The following OPCML variants were observed in gnomAD, a reference collection of about 807,000 sequenced individuals.
OPCML encodes opioid binding protein/cell adhesion molecule like, also known as opioid-binding protein/cell adhesion molecule.
OPCML carries 13 observed loss-of-function variants against 37.8 expected under a neutral mutation model. That is an observed-to-expected ratio of 0.34 (90% CI 0.22 to 0.55). The LOEUF (loss-of-function observed/expected upper bound fraction) is 0.55. OPCML is among the 20% of genes least tolerant of loss of function. OPCML has a pLI of 0.91. For missense variants in OPCML, 341 were observed against 435.6 expected, an observed-to-expected ratio of 0.78 and a Z score of 1.93; for synonymous variants, 176 against 168.8, an observed-to-expected ratio of 1.04 and a Z score of -0.33.
chr11:132,858,154 C>T (rs1942137326), intron 2 of OPCML, among the ~76,000 whole-genome samples: 1 of 152,202 alleles, frequency 6.6e-6, no homozygotes, highest in Non-Finnish European at 1.5e-5. Flanking sequence ...AATTTTCTAA[C>T]TGTATAAATG....
intron 1 of OPCML, among the ~76,000 whole-genome samples, chr11:133,076,358 A>G (rs1948620812): frequency 6.6e-6 from 1 of 152,152 alleles, no homozygotes; most frequent in Non-Finnish European, 1.5e-5. Flanking sequence ...GTCTGGGATG[A>G]ATTGTTGGCA....
chr11:133,095,745 G>A (rs910960306), intron 1 of OPCML, among the ~76,000 whole-genome samples: 4 of 150,760 alleles, frequency 2.7e-5, no homozygotes, highest in Non-Finnish European at 4.4e-5. Context: ...ATCTACAGAG[G>A]AGAAAAGATA....
At chr11:133,270,756 T>C (rs937731355) in intron 1 of OPCML, among the ~76,000 whole-genome samples, 10 of 152,128 alleles carry the variant, frequency 6.6e-5, no homozygotes, top group African/African-American at 2.4e-4. Context: ...TTCCTATATA[T>C]CCTAACATGC....
chr11:132,665,786 T>G (rs1027645888), intron 2 of OPCML, among the ~76,000 whole-genome samples: 5 of 151,956 alleles, frequency 3.3e-5, no homozygotes, highest in African/African-American at 1.2e-4. Context: ...CAAGAAGAGG[T>G]AGGCAAGGTT....
intron 1 of OPCML, among the ~76,000 whole-genome samples, chr11:133,442,726 CGTGTGTGT>C (rs371441649): frequency 1.4e-4 from 20 of 141,448 alleles, no homozygotes; most frequent in East Asian, 1.3e-3. Context: ...CATATTTAAA[CGTGTGTGT>C]GTGTGTGTGT....
chr11:133,044,498 A>G (rs1947969685), intron 1 of OPCML, among the ~76,000 whole-genome samples: 1 of 152,180 alleles, frequency 6.6e-6, no homozygotes. Flanking sequence ...AGTCTTTAAA[A>G]GCTCATCAAG....
intron 3 of OPCML, among the ~76,000 whole-genome samples, chr11:132,650,250 G>C (rs1207996207): frequency 1.3e-5 from 2 of 152,140 alleles, no homozygotes; most frequent in African/African-American, 4.8e-5. Flanking sequence ...ATACAAATAA[G>C]AAATAGTAGG....
intron 3 of OPCML, among the ~76,000 whole-genome samples, chr11:132,587,034 G>T (rs373546708): frequency 6.6e-6 from 1 of 152,192 alleles, no homozygotes; most frequent in Non-Finnish European, 1.5e-5. Flanking sequence ...GGCAGCCTTT[G>T]TTGACTGAGA....
At chr11:132,514,044 AG>A in intron 4 of OPCML, among the ~76,000 whole-genome samples, 1 of 152,304 alleles carries the variant, frequency 6.6e-6, no homozygotes, top group South Asian at 2.1e-4. Flanking sequence ...ATTTAGCCAA[AG>A]TCTCCATTTC....
chr11:132,583,373 A>T (rs1177270425), intron 3 of OPCML, among the ~76,000 whole-genome samples: 4 of 152,140 alleles, frequency 2.6e-5, no homozygotes, highest in Non-Finnish European at 5.9e-5. Flanking sequence ...ATCATGGCTT[A>T]TTGTAGCCTC....
Position 133,373,567 on chromosome 11 carries a change from G to A in OPCML, c.61+158697C>T, listed in dbSNP as rs553551688. On this transcript the variant is annotated intron_variant, in intron 1 of 7. Transcript: ENST00000524381. ...CTGAGCCTGGGAGGTGGAGGTTGCAGTGAGCTGTGATCACGCCACTGTACT... is the reference window on the plus strand; with the variant it reads ...CTGAGCCTGGGAGGTGGAGGTTGCAATGAGCTGTGATCACGCCACTGTACT... 2.7e-5 allele frequency among the ~76,000 whole-genome samples: 4 copies of A among 150,832 alleles called. No individual in the cohort carries two copies. The South Asian group carries it at 8.4e-4, about 32-fold the overall frequency.
chr11:132,628,489 T>C (rs1565725172), intron 3 of OPCML, among the ~76,000 whole-genome samples: 1 of 152,092 alleles, frequency 6.6e-6, no homozygotes, highest in African/African-American at 2.4e-5. Flanking sequence ...CCAGGATTAG[T>C]CAATTTTCAG....
At chr11:133,336,580 G>A (rs531890169) in intron 1 of OPCML, among the ~76,000 whole-genome samples, 2 of 152,290 alleles carry the variant, frequency 1.3e-5, no homozygotes, top group African/African-American at 2.4e-5. Context: ...AAATAGAAAT[G>A]TCCCAGTGCC....
chr11:132,442,900 T>C (rs2136788099), intron 4 of OPCML, among the ~76,000 whole-genome samples: 1 of 152,302 alleles, frequency 6.6e-6, no homozygotes, highest in South Asian at 2.1e-4. Flanking sequence ...GGGTGTGTCT[T>C]TATTAGCAGC....
chr11:132,525,461 T>C (rs933029595), intron 4 of OPCML, among the ~76,000 whole-genome samples: 6 of 152,202 alleles, frequency 3.9e-5, no homozygotes, highest in African/African-American at 1.4e-4. Context: ...ATAATCCTAC[T>C]GGAATTTGAA....
At chr11:133,386,449 C>G (rs752304361) in intron 1 of OPCML, among the ~76,000 whole-genome samples, 1 of 152,130 alleles carries the variant, frequency 6.6e-6, no homozygotes, top group Non-Finnish European at 1.5e-5. Flanking sequence ...AGAAGACATA[C>G]TGGCCAGCTC....
intron 3 of OPCML, among the ~76,000 whole-genome samples, chr11:132,581,615 A>G (rs1045988027): frequency 1.3e-5 from 2 of 152,174 alleles, no homozygotes; most frequent in African/African-American, 4.8e-5. Flanking sequence ...CTCAGCTCTG[A>G]ATCCTGTCCC....
chr11:132,655,846 G>A lies in OPCML; in HGVS notation c.379+1241C>T, dbSNP rs1941678650. On this transcript the variant is annotated intron_variant, in intron 3 of 7. Coordinates refer to ENST00000524381, the MANE Select transcript of OPCML (RefSeq NM_001012393.5). ...CTCTCTCTAGGAAACCAATTGAAAT[G>A]AGCAACATCGTGGTCCTTTTTTTTT... Among the ~76,000 whole-genome samples the A allele has an allele frequency of 6.7e-5, 10 of 149,608 alleles. No homozygotes were observed. In the South Asian group the frequency reaches 2.1e-3, roughly 32 times the overall value.
intron 2 of OPCML, among the ~76,000 whole-genome samples, chr11:132,942,626 C>T (rs553458566): frequency 6.6e-6 from 1 of 152,282 alleles, no homozygotes; most frequent in Non-Finnish European, 1.5e-5. Flanking sequence ...CACTCATGTT[C>T]TCATCACGGT....
Sources: allele counts gnomAD v4.1 joint callset (sites outside exome capture counted in the v4.1 genomes callset), GRCh38; gene constraint gnomAD v4.1.1; transcripts MANE v1.5; gene names NCBI Gene and HGNC (gene_info 2026-07-23, HGNC 2026-07-21).